The following METTL6 variants were observed in gnomAD, a reference collection of about 807,000 sequenced individuals.
METTL6 encodes the protein tRNA N(3)-cytidine methyltransferase METTL6.
METTL6 carries 22 observed loss-of-function variants against 26.4 expected under a neutral mutation model. The ratio of observed to expected loss-of-function variants is 0.83; its 90% CI spans 0.59 to 1.19. The LOEUF (loss-of-function observed/expected upper bound fraction) is 1.19, where lower values mean the gene tolerates loss of function less well. Among genes scored for constraint, METTL6 ranks in the 50% most tolerant of loss-of-function variants. METTL6 has a pLI of 0.00. For missense variants in METTL6, 304 were observed against 324.8 expected (o/e 0.94, Z 0.49); for synonymous variants, 109 against 116.2 (o/e 0.94, Z 0.40).
intron 6 of METTL6, among the ~76,000 whole-genome samples, chr3:15,393,810 C>A (rs1246961516): frequency 1.3e-5 from 2 of 152,138 alleles, no homozygotes; most frequent in Admixed American, 6.6e-5. Context: ...TATTGATTTG[C>A]ATATGTTGAA....
At chr3:15,393,829 G>C (rs1164990760) in intron 6 of METTL6, among the ~76,000 whole-genome samples, 1 of 152,146 alleles carries the variant, frequency 6.6e-6, no homozygotes, top group Non-Finnish European at 1.5e-5. Context: ...AACCAGCCTT[G>C]CATCCCAGGG....
At position 15,399,217 on chromosome 3, in the gene METTL6, C is replaced by T. The variant is rs557671865; in HGVS notation, c.*11+12028G>A. On this transcript the variant is annotated intron_variant, in intron 6 of 6. Transcript: ENST00000443029. ...TCCTTCCCCTGCCCCCCCAACCCCTCGCCCCCAAAAAACTCATGAATAATC... is the reference window on the plus strand; with the variant it reads ...TCCTTCCCCTGCCCCCCCAACCCCTTGCCCCCAAAAAACTCATGAATAATC... 2.5e-4 allele frequency among the ~76,000 whole-genome samples: 38 copies of T among 150,364 alleles called. No homozygotes were observed. The East Asian group carries it at 6.6e-3, about 26-fold the overall frequency.
chr3:15,414,281 A>G (rs550566596), intron 4 of METTL6, 119 bp from the exon 5 acceptor site: 242 of 1,472,000 alleles, frequency 1.6e-4, no homozygotes, highest in Non-Finnish European at 2.0e-4. Context: ...TGAAATGCCC[A>G]TAATACGGAA....
chr3:15,406,566 G>GAAAAA (rs547902420), downstream of METTL6, among the ~76,000 whole-genome samples: 3 of 87,038 alleles, frequency 3.4e-5, no homozygotes, highest in African/African-American at 1.4e-4. Context: ...ACCCAGCCAT[G>GAAAAA]AAAAAAAAAA....
chr3:15,391,913 G>A (rs929618647), intron 6 of METTL6, among the ~76,000 whole-genome samples: 1 of 152,088 alleles, frequency 6.6e-6, no homozygotes, highest in African/African-American at 2.4e-5. Context: ...GGACATTTGG[G>A]TTGGTTCCAA....
chr3:15,392,847 T>C (rs1381571445), intron 6 of METTL6, among the ~76,000 whole-genome samples: 2 of 152,178 alleles, frequency 1.3e-5, no homozygotes, highest in African/African-American at 4.8e-5. Context: ...TTCTGTTCCA[T>C]TGGTCTATAT....
chr3:15,398,263 G>A (rs1178629433), intron 6 of METTL6, among the ~76,000 whole-genome samples: 1 of 151,624 alleles, frequency 6.6e-6, no homozygotes, highest in African/African-American at 2.4e-5. Context: ...GAGTGATCTT[G>A]GCTCACTGCA....
At chr3:15,396,707 C>T (rs946367192) in intron 6 of METTL6, among the ~76,000 whole-genome samples, 3 of 152,156 alleles carry the variant, frequency 2.0e-5, no homozygotes, top group Non-Finnish European at 2.9e-5. Flanking sequence ...TTCTAACAGT[C>T]AGGACCCTCA....
chr3:15,414,968 C>G, intron 4 of METTL6: 1 of 1,106,928 alleles, frequency 9.0e-7, no homozygotes, highest in African/African-American at 1.7e-5. Flanking sequence ...AAGTGTTATC[C>G]TCATTGAAGC....
intron 3 of METTL6, among the ~76,000 whole-genome samples, chr3:15,422,235 AG>A (rs1337758986): frequency 6.6e-6 from 1 of 152,142 alleles, no homozygotes; most frequent in Non-Finnish European, 1.5e-5. Context: ...CTGAGGTGGG[AG>A]GATCACTTGA....
chr3:15,415,618 G>A, intron 4 of METTL6, 154 bp downstream of exon 4: 1 of 1,609,118 alleles, frequency 6.2e-7, no homozygotes, highest in South Asian at 1.1e-5. Context: ...GATGTTTTAT[G>A]CCAGAGGACC....
chr3:15,398,395 T>C (rs13096970), intron 6 of METTL6, among the ~76,000 whole-genome samples: 80,158 of 151,762 alleles, frequency 0.53, 21,810 homozygotes, highest in African/African-American at 0.66. Flanking sequence ...GGTTTCACCA[T>C]GTTGGCCAGG....
chr3:15,391,701 A>G lies in METTL6; in HGVS notation c.*12-7514T>C, dbSNP rs181344767. Among the ~76,000 whole-genome samples, 109 of 118,732 alleles carry G rather than the reference A, an allele frequency of 9.2e-4. 4 individuals carry two copies. In the East Asian group the frequency reaches 0.023, roughly 25 times the overall value. 77.9% of individuals were successfully genotyped at this position (118,732 alleles called of 152,430 possible). On this transcript the variant is annotated intron_variant, in intron 6 of 6. Coordinates refer to the METTL6 transcript ENST00000443029. ...GTGTGATGTTCCCCTTCCTGTGTCCATGTGTTCTCACTGTTCAATTCCCAC... is the reference window on the plus strand; with the variant it reads ...GTGTGATGTTCCCCTTCCTGTGTCCGTGTGTTCTCACTGTTCAATTCCCAC...
chr3:15,426,959 C>T (rs2125056397), intron 1 of METTL6, among the ~76,000 whole-genome samples: 1 of 152,280 alleles, frequency 6.6e-6, no homozygotes, highest in Admixed American at 6.5e-5. Flanking sequence ...TTTCGGTGCC[C>T]GCGAAAGGGG....
downstream of METTL6, among the ~76,000 whole-genome samples, chr3:15,406,613 TATATATATATATATATAGAGAGAGAG>T (rs1301408691): frequency 6.7e-4 from 44 of 66,064 alleles, no homozygotes; most frequent in African/African-American, 2.7e-3. Flanking sequence ...TATATATATA[TATATATATATATATATAGAGAGAGAG>T]AGAGAGAGAG....
downstream of METTL6, among the ~76,000 whole-genome samples, chr3:15,406,676 TCA>T (rs370109269): frequency 8.6e-3 from 1,084 of 125,860 alleles, 14 homozygotes; most frequent in Middle Eastern, 0.05. Context: ...AGATGGAGTC[TCA>T]CTCTGTTGCC....
Position 15,426,478 on chromosome 3 carries a change from T to C in METTL6, c.34A>G (p.Arg12Gly). Residue 12 changes from arginine (R) to glycine (G), a missense_variant, in exon 2 of 6, where the codon AGG (arginine) becomes GGG (glycine). Transcript: ENST00000383790. Reference sequence around the variant, plus strand: ...TCCTCTTCTTCAGAGGTGAGAATCCTTGCCTGCAGCCCTTTCCTTTGCAAA... The same window carrying C: ...TCCTCTTCTTCAGAGGTGAGAATCCCTGCCTGCAGCCCTTTCCTTTGCAAA... ...ASLQRKGLQARILTSEEEEKL... is the reference protein window; with the variant it reads ...ASLQRKGLQAGILTSEEEEKL... 1 of 1,614,174 alleles carries C rather than the reference T, an allele frequency of 6.2e-7. No homozygotes were observed. The highest frequency in any genetic ancestry group is 8.5e-7 in the Non-Finnish European group (1 of 1,180,024).
At chr3:15,397,477 A>C (rs1699522845) in intron 6 of METTL6, among the ~76,000 whole-genome samples, 2 of 152,034 alleles carry the variant, frequency 1.3e-5, no homozygotes, top group African/African-American at 2.4e-5. Flanking sequence ...GGCTCAATGC[A>C]CGGCACACAC....
chr3:15,425,791 T>TC (rs2061706068), intron 2 of METTL6, among the ~76,000 whole-genome samples: 2 of 152,178 alleles, frequency 1.3e-5, no homozygotes, highest in African/African-American at 4.8e-5. Flanking sequence ...TAAAGTTCTC[T>TC]CTCCTATATG....
Sources: gnomAD v4.1 joint callset for allele counts (sites outside exome capture counted in the v4.1 genomes callset) on GRCh38, gnomAD v4.1.1 for gene constraint, MANE v1.5 for transcripts, NCBI Gene and HGNC (gene_info 2026-07-23, HGNC 2026-07-21) for gene names.